The following FSTL4 variants were observed in gnomAD, a reference collection of about 807,000 sequenced individuals.
FSTL4 encodes follistatin like 4.
Under a neutral mutation model 78.2 loss-of-function variants are expected in FSTL4, and 28 were observed. The observed-to-expected ratio is 0.36, with a 90% CI of 0.27 to 0.49. The LOEUF is 0.49. Among genes scored for constraint, FSTL4 ranks in the 20% least tolerant of loss-of-function variants. The probability of loss-of-function intolerance (pLI) is 0.98; values close to 1 mark genes in which losing one functional copy is unlikely to be tolerated. For synonymous variants in FSTL4, 422 were observed against 440.5 expected, an observed-to-expected ratio of 0.96 and a Z score of 0.53; for missense variants, 922 against 1,084.9, an observed-to-expected ratio of 0.85 and a Z score of 2.11.
rs541287210 is a variant in FSTL4 at position 133,296,278 on chromosome 5, T to C, written c.727+16376A>G. On this transcript the variant is annotated intron_variant, in intron 6 of 15. Coordinates refer to ENST00000265342, the MANE Select transcript of FSTL4 (RefSeq NM_015082.2). ...ATGATCCAGCCTCTCCTCACCACCA[T>C]CGTGCCCATTAGCTGAATTATTGCA... Among the ~76,000 whole-genome samples the C allele has an allele frequency of 2.6e-5, 4 of 152,324 alleles. No homozygotes were observed. The East Asian group carries it at 7.7e-4, about 29-fold the overall frequency.
chr5:133,467,922 A>T (rs939739329), intron 3 of FSTL4, among the ~76,000 whole-genome samples: 3 of 152,196 alleles, frequency 2.0e-5, no homozygotes, highest in Non-Finnish European at 4.4e-5. Context: ...GAAATAACAA[A>T]AGCAATTAGA....
intron 3 of FSTL4, among the ~76,000 whole-genome samples, chr5:133,421,350 AC>A (rs1041937272): frequency 7.2e-5 from 11 of 152,204 alleles, no homozygotes; most frequent in African/African-American, 2.6e-4. Context: ...CCCAAAGGAA[AC>A]CCCTAGCTGA....
At chr5:133,540,037 T>C (rs190769505) in intron 3 of FSTL4, among the ~76,000 whole-genome samples, 5 of 151,970 alleles carry the variant, frequency 3.3e-5, no homozygotes, top group African/African-American at 1.2e-4. Context: ...GTGAGTCTCA[T>C]CCAATCAGTT....
the FSTL4 span, among the ~76,000 whole-genome samples, chr5:133,712,758 T>C: frequency 1.3e-5 from 2 of 152,242 alleles, no homozygotes; most frequent in South Asian, 4.1e-4. Context: ...GAAGTCCAGT[T>C]GGCTTAAGGG....
chr5:133,671,510 G>A, the FSTL4 span, among the ~76,000 whole-genome samples: 1 of 152,192 alleles, frequency 6.6e-6, no homozygotes, highest in African/African-American at 2.4e-5. Context: ...AATAGCACTT[G>A]AACATAAATT....
intron 4 of FSTL4, among the ~76,000 whole-genome samples, chr5:133,352,877 C>T (rs1465055859): frequency 6.6e-6 from 1 of 152,094 alleles, no homozygotes; most frequent in African/African-American, 2.4e-5. Flanking sequence ...GGGTTGATTC[C>T]ATGTTTTTGC....
At chr5:133,500,588 T>C (rs1758473019) in intron 3 of FSTL4, among the ~76,000 whole-genome samples, 1 of 151,960 alleles carries the variant, frequency 6.6e-6, no homozygotes, top group Admixed American at 6.6e-5. Flanking sequence ...ATCTTGGGGG[T>C]ACAAAAATCA....
chr5:133,307,082 A>T (rs566852448), intron 6 of FSTL4, among the ~76,000 whole-genome samples: 1 of 152,366 alleles, frequency 6.6e-6, no homozygotes, highest in Admixed American at 6.5e-5. Context: ...ATTAAAGCCC[A>T]GTTTAACCTC....
intron 4 of FSTL4, among the ~76,000 whole-genome samples, chr5:133,330,210 G>C (rs1404630755): frequency 1.3e-5 from 2 of 152,038 alleles, no homozygotes; most frequent in African/African-American, 4.8e-5. Context: ...CACTTTTCCT[G>C]CATTTCTCCT....
the FSTL4 span, among the ~76,000 whole-genome samples, chr5:133,836,471 T>C: frequency 6.6e-6 from 1 of 152,220 alleles, no homozygotes; most frequent in African/African-American, 2.4e-5. Flanking sequence ...CATTGTTGTG[T>C]ATTTTAATTG....
intron 6 of FSTL4, among the ~76,000 whole-genome samples, chr5:133,270,994 T>C (rs1448468290): frequency 6.6e-6 from 1 of 152,224 alleles, no homozygotes; most frequent in African/African-American, 2.4e-5. Flanking sequence ...GAGGTTCCAT[T>C]GTAAGTTGGA....
At chr5:133,757,839 A>G in the FSTL4 span, among the ~76,000 whole-genome samples, 2 of 152,238 alleles carry the variant, frequency 1.3e-5, no homozygotes. Flanking sequence ...GTACAATATA[A>G]AATGAAGCTA....
chr5:133,490,871 GTCA>G (rs1195884682), intron 3 of FSTL4, among the ~76,000 whole-genome samples: 5 of 152,120 alleles, frequency 3.3e-5, no homozygotes, highest in Admixed American at 2.6e-4. Context: ...AATCTTATTA[GTCA>G]TCATTTTCAA....
the FSTL4 span, among the ~76,000 whole-genome samples, chr5:133,648,383 G>A: frequency 6.6e-6 from 1 of 152,212 alleles, no homozygotes; most frequent in African/African-American, 2.4e-5. Context: ...TCCAAGCACA[G>A]CAACTGGACA....
the FSTL4 span, among the ~76,000 whole-genome samples, chr5:133,751,161 G>C: frequency 6.6e-6 from 1 of 152,110 alleles, no homozygotes; most frequent in African/African-American, 2.4e-5. Context: ...CTACCTGCCA[G>C]TCATGCCTGT....
chr5:133,603,973 C>T lies in FSTL4; in HGVS notation c.11G>A (p.Gly4Glu), dbSNP rs756158959. 2.7e-5 allele frequency: 44 copies of T among 1,612,584 alleles called. No homozygotes were observed. Among genetic ancestry groups the T allele is most frequent in the Non-Finnish European group, 3.7e-5 (44 of 1,178,634 alleles). ...CAGTGTGAGATGCAGCCAAAAGCCTCCTGGTTTCATTTTGATGAGTCTGTT... is the reference window on the plus strand; with the variant it reads ...CAGTGTGAGATGCAGCCAAAAGCCTTCTGGTTTCATTTTGATGAGTCTGTT... Reference protein sequence around the residue: MKPGGFWLHLTLLG... With the variant: MKPEGFWLHLTLLG... Residue 4 changes from glycine to glutamate, a missense_variant, in exon 2 of 16, where the codon GGA (glycine) becomes GAA (glutamate). Gly to Glu is a moderately conservative substitution (Grantham distance 98). Coordinates refer to ENST00000265342, the MANE Select transcript of FSTL4 (RefSeq NM_015082.2).
At chr5:133,570,386 G>A (rs1390388117) in intron 2 of FSTL4, among the ~76,000 whole-genome samples, 1 of 151,988 alleles carries the variant, frequency 6.6e-6, no homozygotes, top group African/African-American at 2.4e-5. Context: ...GCAGTGGCAC[G>A]ATCTCGACTC....
chr5:133,329,160 CA>C (rs1436971690), intron 4 of FSTL4, among the ~76,000 whole-genome samples: 1 of 152,170 alleles, frequency 6.6e-6, no homozygotes, highest in Non-Finnish European at 1.5e-5. Flanking sequence ...ATCGCACATG[CA>C]AGGAGTCTCT....
At chr5:133,452,673 C>T (rs1452839263) in intron 3 of FSTL4, among the ~76,000 whole-genome samples, 2 of 152,234 alleles carry the variant, frequency 1.3e-5, no homozygotes, top group South Asian at 4.1e-4. Context: ...AGCAATCAGT[C>T]CAAGATCGCT....
Sources: gnomAD v4.1 joint callset for allele counts (sites outside exome capture counted in the v4.1 genomes callset) on GRCh38, gnomAD v4.1.1 for gene constraint, MANE v1.5 for transcripts, NCBI Gene and HGNC (gene_info 2026-07-23, HGNC 2026-07-21) for gene names.